Variants in BMP5 observed in about 807,000 individuals in gnomAD.
BMP5 encodes bone morphogenetic protein 5.
BMP5 carries 23 observed loss-of-function variants against 46.6 expected under a neutral mutation model. The observed-to-expected ratio is 0.49, with a 90% confidence interval of 0.35 to 0.70. BMP5 has a LOEUF of 0.70. Ranked by LOEUF, BMP5 falls within the 30% of genes least tolerant of loss-of-function variation. The pLI, the probability that BMP5 is intolerant of heterozygous loss-of-function variation, is 0.00. For missense variants in BMP5, 545 were observed against 565.6 expected (o/e 0.96, Z 0.37); for synonymous variants, 204 against 191.9 (o/e 1.06, Z -0.52).
In BMP5 at chr6:55,754,275, T is replaced by C. The variant is rs1419118944; in HGVS notation, c.*1258A>G. 6.6e-6 allele frequency: 1 copy of C among 151,468 alleles called. No homozygotes were observed. Among genetic ancestry groups the C allele is most frequent in the Non-Finnish European group, 1.5e-5 (1 of 67,834 alleles). The allele number at this position is 151,468 out of a possible 1,614,324, so 9.4% of individuals were successfully genotyped here. A position where few individuals can be genotyped will look rare whatever the true frequency, so the allele number is the denominator to read the frequency against. ...AGGCCTTAGAGGGCATTCTAATAGA[T>C]AGAGAAAATAAATTAATTTTAGAGG... On this transcript the variant is annotated 3_prime_UTR_variant, in exon 7 of 7. Coordinates refer to ENST00000370830, the MANE Select transcript of BMP5 (RefSeq NM_021073.4).
chr6:55,758,857 A>G, intron 6 of BMP5, 148 bp downstream of exon 6: 1 of 674,686 alleles, frequency 1.5e-6, no homozygotes, highest in Admixed American at 2.1e-5. Flanking sequence ...CTATACCCAC[A>G]GTTGTTACTT....
At chr6:55,859,538 C>G (rs918834488) in intron 1 of BMP5, among the ~76,000 whole-genome samples, 4 of 151,952 alleles carry the variant, frequency 2.6e-5, no homozygotes, top group Non-Finnish European at 4.4e-5. Context: ...ACTTAAAAAT[C>G]AAGAATTAAG....
At chr6:55,844,180 C>A (rs1233613961) in intron 1 of BMP5, among the ~76,000 whole-genome samples, 2 of 151,916 alleles carry the variant, frequency 1.3e-5, no homozygotes, top group African/African-American at 4.8e-5. Context: ...TAAGCCACCT[C>A]CCCCACTAAG....
chr6:55,756,574 G>A (rs1774607079), intron 6 of BMP5, among the ~76,000 whole-genome samples: 1 of 151,870 alleles, frequency 6.6e-6, no homozygotes, highest in Non-Finnish European at 1.5e-5. Flanking sequence ...GAGTTTATGG[G>A]AAATCCCACT....
rs187640485 is a variant in BMP5 at position 55,761,772 on chromosome 6, C to T, written c.1028-1239G>A. ...ATCTCAATTATCACTTTTAGAAATG[C>T]TATGTCATTTCCTCATTTATTTATG... On this transcript the variant is annotated intron_variant, in intron 4 of 6. Coordinates refer to ENST00000370830, the MANE Select transcript of BMP5 (RefSeq NM_021073.4). 2.6e-5 allele frequency among the ~76,000 whole-genome samples: 4 copies of T among 152,196 alleles called. No homozygotes were observed. The East Asian group carries it at 7.7e-4, about 29-fold the overall frequency.
intron 1 of BMP5, among the ~76,000 whole-genome samples, chr6:55,864,356 G>C (rs1224809198): frequency 1.3e-5 from 2 of 152,150 alleles, no homozygotes; most frequent in Non-Finnish European, 2.9e-5. Flanking sequence ...GTTATGAATA[G>C]ATAAATGTCA....
intron 4 of BMP5, among the ~76,000 whole-genome samples, chr6:55,769,276 C>T (rs1028902397): frequency 1.3e-5 from 2 of 151,916 alleles, no homozygotes; most frequent in Non-Finnish European, 2.9e-5. Context: ...CTTCTCAAAT[C>T]CTGCCTCTAC....
intron 1 of BMP5, among the ~76,000 whole-genome samples, chr6:55,834,542 T>C (rs750160978): frequency 4.6e-5 from 7 of 151,976 alleles, no homozygotes; most frequent in Non-Finnish European, 1.0e-4. Flanking sequence ...GTTTGTCTTT[T>C]CAGGCCAATA....
chr6:55,818,269 T>C (rs1347040375), intron 2 of BMP5, among the ~76,000 whole-genome samples: 1 of 152,014 alleles, frequency 6.6e-6, no homozygotes, highest in Non-Finnish European at 1.5e-5. Context: ...TTTAATCTTT[T>C]GGTACCTAAT....
chr6:55,863,660 G>A (rs1446354853), intron 1 of BMP5, among the ~76,000 whole-genome samples: 51 of 152,034 alleles, frequency 3.4e-4, no homozygotes, highest in Admixed American at 1.2e-3. Flanking sequence ...CAATGTTTAG[G>A]TCAACATGGA....
intron 4 of BMP5, chr6:55,772,946 A>T (rs995377027): frequency 1.7e-5 from 17 of 983,786 alleles, no homozygotes; most frequent in Non-Finnish European, 1.9e-5. Context: ...AAAGGTCGTC[A>T]TCTATTTCTT....
At chr6:55,859,304 GTT>G (rs1216639758) in intron 1 of BMP5, among the ~76,000 whole-genome samples, 4 of 151,936 alleles carry the variant, frequency 2.6e-5, no homozygotes, top group Non-Finnish European at 5.9e-5. Context: ...CTAATAATTC[GTT>G]TTCTAAGAAC....
chr6:55,809,954 C>T (rs1251674264), intron 2 of BMP5, among the ~76,000 whole-genome samples: 3 of 152,050 alleles, frequency 2.0e-5, no homozygotes, highest in Non-Finnish European at 2.9e-5. Flanking sequence ...AATAGCTTAT[C>T]AAGTCCAATA....
chr6:55,847,815 A>T (rs1336179312), intron 1 of BMP5, among the ~76,000 whole-genome samples: 1 of 151,856 alleles, frequency 6.6e-6, no homozygotes, highest in Non-Finnish European at 1.5e-5. Flanking sequence ...GATATGTCTC[A>T]ATATTGTAAA....
At chr6:55,767,652 T>G (rs1449473662) in intron 4 of BMP5, among the ~76,000 whole-genome samples, 2 of 151,992 alleles carry the variant, frequency 1.3e-5, no homozygotes, top group Admixed American at 6.6e-5. Flanking sequence ...GTTTCCAGAA[T>G]TTTTCATGAT....
At chr6:55,805,915 TA>T (rs1562047017) in intron 2 of BMP5, among the ~76,000 whole-genome samples, 1 of 152,154 alleles carries the variant, frequency 6.6e-6, no homozygotes, top group Non-Finnish European at 1.5e-5. Context: ...TTGATGGGGT[TA>T]TTTTTTTTTC....
intron 2 of BMP5, among the ~76,000 whole-genome samples, chr6:55,811,698 T>C (rs749594760): frequency 6.6e-6 from 1 of 151,910 alleles, no homozygotes; most frequent in Non-Finnish European, 1.5e-5. Flanking sequence ...CCTCTCTCTC[T>C]CTTTCTCTCT....
rs1373104202 is a variant in BMP5 at position 55,814,112 on chromosome 6, G to A, written c.683+5543C>T. On this transcript the variant is annotated intron_variant, in intron 2 of 6. Coordinates refer to ENST00000370830, the MANE Select transcript of BMP5 (RefSeq NM_021073.4). ...CAATGATATTGCTATTAAATTGGGT[G>A]GCATTTATTTTATTATTACACTTCA... is the stretch of plus-strand genomic sequence containing the variant. Among the ~76,000 whole-genome samples the A allele has an allele frequency of 2.0e-5, 3 of 151,622 alleles. No individual in the cohort carries two copies. In the East Asian group the frequency reaches 5.8e-4, roughly 29 times the overall value.
intron 2 of BMP5, among the ~76,000 whole-genome samples, chr6:55,810,850 T>A (rs1776115263): frequency 6.6e-6 from 1 of 152,142 alleles, no homozygotes; most frequent in Admixed American, 6.6e-5. Flanking sequence ...CCTACCCACA[T>A]TACTACTCCA....
Sources: allele counts gnomAD v4.1 joint callset (sites outside exome capture counted in the v4.1 genomes callset), GRCh38; gene constraint gnomAD v4.1.1; transcripts MANE v1.5; gene names NCBI Gene and HGNC (gene_info 2026-07-23, HGNC 2026-07-21).